Variants in TKT observed in about 807,000 individuals in gnomAD.
TKT encodes epididymis luminal protein 107.
TKT carries 47 observed loss-of-function variants against 63.9 expected under a neutral mutation model. The observed-to-expected ratio is 0.74, with a 90% CI of 0.58 to 0.94. TKT has a LOEUF of 0.94. Among genes scored for constraint, TKT ranks in the 40% least tolerant of loss-of-function variants. The probability of loss-of-function intolerance (pLI) is 0.00; values close to 1 mark genes in which losing one functional copy is unlikely to be tolerated. For synonymous variants in TKT, 338 were observed against 334.1 expected, an observed-to-expected ratio of 1.01 and a Z score of -0.13; for missense variants, 721 against 846.2, an observed-to-expected ratio of 0.85 and a Z score of 1.84.
At chr3:53,238,579 G>A (rs1262220470) in intron 4 of TKT, among the ~76,000 whole-genome samples, 1 of 152,228 alleles carries the variant, frequency 6.6e-6, no homozygotes, top group Non-Finnish European at 1.5e-5. Context: ...TGCTGCAGGA[G>A]TGGAGGACAG....
At chr3:53,250,268 T>A (rs116061216) in intron 1 of TKT, among the ~76,000 whole-genome samples, 2,362 of 152,176 alleles carry the variant, frequency 0.016, 58 homozygotes, top group African/African-American at 0.054. Flanking sequence ...CGGAGCCACA[T>A]GGGGCCAGAG....
chr3:53,237,386 T>A (rs1705077710), intron 4 of TKT, among the ~76,000 whole-genome samples: 3 of 150,984 alleles, frequency 2.0e-5, no homozygotes, highest in Non-Finnish European at 4.4e-5. Flanking sequence ...AGACTCCATC[T>A]CAAAAAAACA....
At chr3:53,228,701 T>C in intron 10 of TKT, 1 of 517,490 alleles carries the variant, frequency 1.9e-6, no homozygotes, top group Non-Finnish European at 3.5e-6. Context: ...AGGGCTCAGC[T>C]CATCCTTGCC....
Position 53,228,275 on chromosome 3 carries a change from C to T in TKT, c.1479+1G>A, listed in dbSNP as rs1553676013. On this transcript the variant is annotated splice_donor_variant, in intron 11 of 13. Transcript: ENST00000462138. LOFTEE classifies it high-confidence loss of function. ...GCTCCTGGGGCATGCGAGGCACTGA[C>T]CTTGGCTTGTCCGACCTGGAAGTCC... is the stretch of plus-strand genomic sequence containing the variant. The T allele has an allele frequency of 2.5e-6, 4 of 1,614,162 alleles. No homozygotes were observed. Among genetic ancestry groups the T allele is most frequent in the Non-Finnish European group, 3.4e-6 (4 of 1,180,020 alleles).
Position 53,249,216 on chromosome 3 carries a change from C to G in TKT, c.107+6620G>C, listed in dbSNP as rs368105460. ...AACTCCTGACCTCAAATGATCCACC[C>G]ACCTTGGCCTCCCAAAGTGCTGGGA... On this transcript the variant is annotated intron_variant, in intron 1 of 13. Coordinates refer to ENST00000462138, the MANE Select transcript of TKT (RefSeq NM_001064.4). 5.9e-5 allele frequency among the ~76,000 whole-genome samples: 9 copies of G among 152,012 alleles called. No individual in the cohort carries two copies. In the East Asian group the frequency reaches 1.8e-3, roughly 30 times the overall value.
At position 53,225,483 on chromosome 3, in the gene TKT, T is replaced by C. The variant is rs1704457287; in HGVS notation, c.*273A>G. ...GGTGATGAATGGGAGGCAGCGATAG[T>C]TCTGGAGGTTGAGGGCAGTTGCAGG... On this transcript the variant is annotated 3_prime_UTR_variant, in exon 14 of 14. Transcript: ENST00000462138. 6.3e-6 allele frequency: 2 copies of C among 319,536 alleles called. No individual in the cohort carries two copies. The highest frequency in any genetic ancestry group is 9.0e-5 in the South Asian group (1 of 11,064). The allele number at this position is 319,536 out of a possible 1,614,324, so 19.8% of individuals were successfully genotyped here.
At position 53,241,139 on chromosome 3, in the gene TKT, G is replaced by C; in HGVS notation, c.332C>G (p.Pro111Arg). ...RKISSDLDGH[P>R]VPKQAFTDVA... ...TCTGGCAGGAGCACTTACCGGGACC[G>C]GGTGCCCGTCCAAGTCGGAGCTGAT... Residue 111 changes from proline to arginine, a missense_variant, in exon 3 of 14, where the codon CCG (proline) becomes CGG (arginine). Pro to Arg is a moderately radical substitution (Grantham distance 103). Transcript: ENST00000462138. 6.4e-7 allele frequency: 1 copy of C among 1,557,264 alleles called. No homozygotes were observed. The highest frequency in any genetic ancestry group is 8.6e-7 in the Non-Finnish European group (1 of 1,160,042).
At chr3:53,249,971 A>C (rs1341256544) in intron 1 of TKT, among the ~76,000 whole-genome samples, 2 of 152,342 alleles carry the variant, frequency 1.3e-5, no homozygotes, top group South Asian at 2.1e-4. Flanking sequence ...TCAGAGCCAC[A>C]ACAGGGGCCG....
intron 6 of TKT, 166 bp downstream of exon 6, chr3:53,232,990 A>G: frequency 1.6e-6 from 1 of 616,462 alleles, no homozygotes; most frequent in Non-Finnish European, 2.8e-6. Context: ...ATCCTGGCTC[A>G]GCCACAGGGG....
intron 6 of TKT, 83 bp downstream of exon 6, chr3:53,233,073 C>T (rs1704840534): frequency 8.3e-7 from 1 of 1,208,744 alleles, no homozygotes; most frequent in South Asian, 1.4e-5. Flanking sequence ...AGGGCTGTTT[C>T]CCTGGATGTG....
chr3:53,229,436 C>T lies in TKT; in HGVS notation c.1108G>A (p.Val370Met), dbSNP rs1386795549. The change falls in exon 9 of 14, where the codon GTG becomes ATG. Residue 370 changes from valine to methionine, a missense_variant and splice_region_variant. Val to Met is a conservative substitution (Grantham distance 21). Coordinates refer to ENST00000462138, the MANE Select transcript of TKT (RefSeq NM_001064.4). ...IECYIAEQNM[V>M]SIAVGCATRN... ...GTGGCACAGCCCACCGCGATGCTCA[C>T]CTGGGGGCAGGTGGGACAGGGTCAG... is the stretch of plus-strand genomic sequence containing the variant. 16 of 1,602,984 alleles carry T rather than the reference C, an allele frequency of 1.0e-5. No individual in the cohort carries two copies. The highest frequency in any genetic ancestry group is 4.5e-5 in the East Asian group (2 of 44,400).
At chr3:53,245,046 G>T (rs1389318606) in intron 1 of TKT, among the ~76,000 whole-genome samples, 1 of 151,978 alleles carries the variant, frequency 6.6e-6, no homozygotes, top group Non-Finnish European at 1.5e-5. Flanking sequence ...GCTCACACCT[G>T]TAATCCCAGC....
chr3:53,256,012 C>G lies in TKT; in HGVS notation c.-70G>C, dbSNP rs1049850189. Reference sequence around the variant, plus strand: ...TAGCGGCTGCTCCCGCGGCGACAGGCGGCTGCCGAGGCCGGGCGCGGGGCG... The same window carrying G: ...TAGCGGCTGCTCCCGCGGCGACAGGGGGCTGCCGAGGCCGGGCGCGGGGCG... On this transcript the variant is annotated 5_prime_UTR_variant, in exon 1 of 14. Coordinates refer to ENST00000462138, the MANE Select transcript of TKT (RefSeq NM_001064.4). 5 of 984,392 alleles carry G rather than the reference C, an allele frequency of 5.1e-6. No individual in the cohort carries two copies. In the African/African-American group the frequency reaches 5.2e-5, roughly 10 times the overall value. The allele number at this position is 984,392 out of a possible 1,614,324, so 61.0% of individuals were successfully genotyped here.
chr3:53,244,448 T>C (rs968725472), intron 1 of TKT, among the ~76,000 whole-genome samples: 1 of 152,126 alleles, frequency 6.6e-6, no homozygotes, highest in African/African-American at 2.4e-5. Flanking sequence ...CCCAGGTCTC[T>C]AGCAGCCGCC....
chr3:53,230,714 G>T, intron 7 of TKT, 93 bp from the exon 8 acceptor site: 1 of 1,479,300 alleles, frequency 6.8e-7, no homozygotes. Context: ...GGATTAAAAC[G>T]GGGCCAAAAA....
intron 1 of TKT, among the ~76,000 whole-genome samples, chr3:53,246,469 C>T (rs1160307707): frequency 6.6e-6 from 1 of 152,104 alleles, no homozygotes; most frequent in African/African-American, 2.4e-5. Flanking sequence ...TATTCTCTCC[C>T]AAATATAGTG....
intron 9 of TKT, 27 bp from the exon 10 acceptor site, chr3:53,229,164 G>A: frequency 1.2e-6 from 2 of 1,613,998 alleles, no homozygotes; most frequent in Non-Finnish European, 1.7e-6. Flanking sequence ...AGGATATGCA[G>A]AAATAAGACC....
At chr3:53,239,377 T>C (rs1391170922) in intron 4 of TKT, among the ~76,000 whole-genome samples, 1 of 152,024 alleles carries the variant, frequency 6.6e-6, no homozygotes, top group Non-Finnish European at 1.5e-5. Flanking sequence ...GGCTCAATCA[T>C]GTATAGCTAT....
intron 4 of TKT, among the ~76,000 whole-genome samples, chr3:53,239,615 C>G (rs895447552): frequency 1.3e-5 from 2 of 152,172 alleles, no homozygotes. Flanking sequence ...ATCTGACCAC[C>G]GCAGACAAAC....
Sources: allele counts gnomAD v4.1 joint callset (sites outside exome capture counted in the v4.1 genomes callset), GRCh38; gene constraint gnomAD v4.1.1; transcripts MANE v1.5; gene names NCBI Gene and HGNC (gene_info 2026-07-23, HGNC 2026-07-21).